Variants in FMN2 observed in about 807,000 individuals in gnomAD.
The protein encoded by FMN2 is formin-2.
A neutral mutation model predicts 142.3 loss-of-function variants in FMN2; 51 were observed. That is an observed-to-expected ratio of 0.36 (90% CI 0.29 to 0.45). The LOEUF is 0.45. FMN2 is among the 20% of genes least tolerant of loss of function. FMN2 has a pLI of 1.00. For missense variants in FMN2, 1,936 were observed against 2,122.8 expected (o/e 0.91, Z 1.73); for synonymous variants, 882 against 869.8 (o/e 1.01, Z -0.25).
chr1:240,368,457 A>G (rs948130158), intron 14 of FMN2, among the ~76,000 whole-genome samples: 5 of 152,190 alleles, frequency 3.3e-5, no homozygotes, highest in African/African-American at 9.7e-5. Flanking sequence ...AAATATTTCT[A>G]AAGACCTCAT....
chr1:240,381,682 G>T (rs1287007097), intron 14 of FMN2, among the ~76,000 whole-genome samples: 1 of 152,070 alleles, frequency 6.6e-6, no homozygotes, highest in Non-Finnish European at 1.5e-5. Flanking sequence ...TGCCTGCCTG[G>T]GTCTCCCAAA....
intron 2 of FMN2, among the ~76,000 whole-genome samples, chr1:240,171,696 G>C (rs1420194285): frequency 1.3e-5 from 2 of 152,156 alleles, no homozygotes; most frequent in Non-Finnish European, 2.9e-5. Context: ...TTATTTTCTG[G>C]TGGACACACT....
chr1:240,177,867 A>T (rs1034244490), intron 2 of FMN2, 54 bp from the exon 3 acceptor site: 41 of 1,451,570 alleles, frequency 2.8e-5, no homozygotes, highest in Admixed American at 7.6e-5. Flanking sequence ...GTCATGGCTT[A>T]TTTTTTTGTA....
At chr1:240,326,699 T>C (rs1671181987) in intron 8 of FMN2, among the ~76,000 whole-genome samples, 1 of 147,558 alleles carries the variant, frequency 6.8e-6, no homozygotes, top group Non-Finnish European at 1.5e-5. Context: ...GTCACCAAAC[T>C]GTAGCAAGCT....
At position 240,206,979 on chromosome 1, in the gene FMN2, C is replaced by G. The variant is rs201575501; in HGVS notation, c.2167C>G (p.Leu723Val). 32 of 1,614,032 alleles carry G rather than the reference C, an allele frequency of 2.0e-5. No individual in the cohort carries two copies. Among genetic ancestry groups the G allele is most frequent in the Middle Eastern group, 1.6e-4 (1 of 6,082 alleles). The change falls in exon 5 of 18, where the codon CTC (leucine) becomes GTC (valine). Residue 723 changes from leucine to valine, a missense_variant. Leu to Val is a conservative substitution (Grantham distance 32). Transcript: ENST00000319653. ...NGVTASGDVCLEALRLEEKEV... is the reference protein window; with the variant it reads ...NGVTASGDVCVEALRLEEKEV... ...AGTGACAGCCTCAGGCGATGTCTGTCTCGAAGCTCTCAGGTTAGAAGAAAA... is the reference window on the plus strand; with the variant it reads ...AGTGACAGCCTCAGGCGATGTCTGTGTCGAAGCTCTCAGGTTAGAAGAAAA...
At position 240,180,566 on chromosome 1, in the gene FMN2, C is replaced by CTTTCTTTT. The variant is rs377033509; in HGVS notation, c.1930+2501_1930+2502insCTTTTTTT. 2.9e-4 allele frequency among the ~76,000 whole-genome samples: 37 copies of CTTTCTTTT among 126,188 alleles called. 1 individual carries two copies. Among genetic ancestry groups the CTTTCTTTT allele is most frequent in the African/African-American group, 4.5e-4 (15 of 33,264 alleles). The allele number at this position is 126,188 out of a possible 152,430, so 82.8% of individuals were successfully genotyped here. A position where few individuals can be genotyped will look rare whatever the true frequency, so the allele number is the denominator to read the frequency against. On this transcript the variant is annotated intron_variant, in intron 3 of 17. Coordinates refer to ENST00000319653, the MANE Select transcript of FMN2 (RefSeq NM_020066.5). Reference sequence around the variant, plus strand: ...ATCCACTGTATATAACACATGACCCCTTTTTTTTTTTTTTTTTTTTAATGG... The same window carrying CTTTCTTTT: ...ATCCACTGTATATAACACATGACCCCTTTCTTTTTTTTTTTTTTTTTTTTTTTTAATGG...
chr1:240,279,282 C>T (rs1034432954), intron 7 of FMN2, among the ~76,000 whole-genome samples: 3 of 152,018 alleles, frequency 2.0e-5, no homozygotes, highest in Non-Finnish European at 2.9e-5. Context: ...ATTCTGATAC[C>T]GTGAGAAGAG....
chr1:240,368,724 A>G (rs1334205767), intron 14 of FMN2, among the ~76,000 whole-genome samples: 3 of 152,138 alleles, frequency 2.0e-5, no homozygotes, highest in African/African-American at 4.8e-5. Context: ...ATGGACAGAA[A>G]GAGTAGAAAT....
At chr1:240,305,932 AG>A (rs1670373692) in intron 8 of FMN2, among the ~76,000 whole-genome samples, 3 of 149,920 alleles carry the variant, frequency 2.0e-5, no homozygotes, top group African/African-American at 7.4e-5. Context: ...ACAGTTTTCT[AG>A]ACTAGATATG....
At chr1:240,153,074 G>A (rs1033400072) in intron 2 of FMN2, among the ~76,000 whole-genome samples, 1 of 152,132 alleles carries the variant, frequency 6.6e-6, no homozygotes, top group African/African-American at 2.4e-5. Context: ...TAAGTGTGGT[G>A]GAATCCCCAG....
chr1:240,287,211 C>A (rs1250705117), intron 7 of FMN2, among the ~76,000 whole-genome samples: 2 of 152,154 alleles, frequency 1.3e-5, no homozygotes, highest in African/African-American at 4.8e-5. Flanking sequence ...AGATCTCTTA[C>A]AAAATGTAGT....
At chr1:240,370,750 C>T (rs1188087315) in intron 14 of FMN2, among the ~76,000 whole-genome samples, 1 of 152,086 alleles carries the variant, frequency 6.6e-6, no homozygotes, top group Non-Finnish European at 1.5e-5. Context: ...TAACAGGTCT[C>T]ACTTTTCCTC....
chr1:240,405,886 A>G (rs972014182), intron 15 of FMN2, among the ~76,000 whole-genome samples: 2 of 152,228 alleles, frequency 1.3e-5, no homozygotes, highest in Admixed American at 6.5e-5. Context: ...TCATTTGCCT[A>G]CAAGTTACAA....
intron 7 of FMN2, among the ~76,000 whole-genome samples, chr1:240,266,850 G>A (rs1418417313): frequency 6.6e-6 from 1 of 152,016 alleles, no homozygotes; most frequent in African/African-American, 2.4e-5. Flanking sequence ...AATGGGGAAA[G>A]GACTCCCTAT....
rs12404429 is a variant in FMN2 at position 240,335,247 on chromosome 1, G to A, written c.4765+1018G>A. ...CACAAAGGTTACAGTAACCGCTGTT[G>A]AAGAGGGCTGAAATTCTGTCATTAC... On this transcript the variant is annotated intron_variant, in intron 13 of 17. Coordinates refer to ENST00000319653, the MANE Select transcript of FMN2 (RefSeq NM_020066.5). Among the ~76,000 whole-genome samples, 1,051 of 152,302 alleles carry A rather than the reference G, an allele frequency of 6.9e-3. 46 individuals are homozygous for A. Among genetic ancestry groups the A allele is most frequent in the Admixed American group, 0.063 (964 of 15,286 alleles).
At chr1:240,154,092 A>G (rs902268028) in intron 2 of FMN2, among the ~76,000 whole-genome samples, 2 of 126,906 alleles carry the variant, frequency 1.6e-5, no homozygotes, top group East Asian at 2.5e-4. Context: ...CCTGGGCGAC[A>G]AAGTGAGATT....
intron 16 of FMN2, among the ~76,000 whole-genome samples, chr1:240,445,718 T>TTAC (rs1388118483): frequency 6.8e-6 from 1 of 147,040 alleles, no homozygotes. Context: ...TTTTTTTTTC[T>TTAC]GGAGAGAAAA....
chr1:240,442,274 C>A (rs941333518), intron 16 of FMN2, among the ~76,000 whole-genome samples: 7 of 152,156 alleles, frequency 4.6e-5, no homozygotes, highest in Admixed American at 3.3e-4. Context: ...CCCAGGAGGA[C>A]AGAGCAGTTT....
At chr1:240,104,944 G>A (rs1055491113) in intron 1 of FMN2, among the ~76,000 whole-genome samples, 1 of 152,010 alleles carries the variant, frequency 6.6e-6, no homozygotes, top group African/African-American at 2.4e-5. Flanking sequence ...GGCCACCAGA[G>A]AAAACAGTCT....
Sources: gnomAD v4.1 joint callset for allele counts (sites outside exome capture counted in the v4.1 genomes callset) on GRCh38, gnomAD v4.1.1 for gene constraint, MANE v1.5 for transcripts, NCBI Gene and HGNC (gene_info 2026-07-23, HGNC 2026-07-21) for gene names.